The following EYS variants were observed in gnomAD, a reference collection of about 807,000 sequenced individuals.
The protein encoded by EYS is protein eyes shut homolog.
Under a neutral mutation model 282.1 loss-of-function variants are expected in EYS, and 250 were observed. That is an observed-to-expected ratio of 0.89 (90% CI 0.80 to 0.98). The LOEUF is 0.98. EYS is among the 50% of genes least tolerant of loss of function. EYS has a pLI of 0.00. For missense variants in EYS, 4,016 were observed against 3,709.0 expected (o/e 1.08, Z -2.15); for synonymous variants, 1,355 against 1,282.9 (o/e 1.06, Z -1.20).
chr6:63,752,494 C>CTTT lies in EYS; in HGVS notation c.8071+9964_8071+9966dup, dbSNP rs11421916. On this transcript the variant is annotated intron_variant, in intron 41 of 42. Coordinates refer to ENST00000503581, the MANE Select transcript of EYS (RefSeq NM_001142800.2). Reference sequence around the variant, plus strand: ...CCAAGATAACATAATTGTTTAATTTCTTTTTTTTTTTTTTTTGAGAGGGAG... The same window carrying CTTT: ...CCAAGATAACATAATTGTTTAATTTCTTTTTTTTTTTTTTTTTTTGAGAGGGAG... 5.3e-3 allele frequency among the ~76,000 whole-genome samples: 705 copies of CTTT among 132,032 alleles called. 18 individuals carry two copies. The highest frequency in any genetic ancestry group is 0.019 in the African/African-American group (659 of 34,736). 86.6% of individuals were successfully genotyped at this position (132,032 alleles called of 152,430 possible). A position where few individuals can be genotyped will look rare whatever the true frequency, so the allele number is the denominator to read the frequency against.
At chr6:65,182,554 C>T (rs1419344493) in intron 12 of EYS, among the ~76,000 whole-genome samples, 1 of 144,260 alleles carries the variant, frequency 6.9e-6, no homozygotes. Context: ...ATTTCCTTGA[C>T]ATGTTTTGTA....
chr6:64,358,142 A>C (rs1771890057), intron 29 of EYS, among the ~76,000 whole-genome samples: 1 of 151,524 alleles, frequency 6.6e-6, no homozygotes, highest in Non-Finnish European at 1.5e-5. Flanking sequence ...AGAAAAGCTA[A>C]ACTTGTTTCA....
In EYS at chr6:64,358,158, C is replaced by A. The variant is rs114844548; in HGVS notation, c.6078+30532G>T. Among the ~76,000 whole-genome samples, 754 of 151,578 alleles carry A rather than the reference C, an allele frequency of 5.0e-3. 5 individuals carry two copies. Among genetic ancestry groups the A allele is most frequent in the African/African-American group, 0.018 (725 of 41,424 alleles). ...GAAAAGCTAAACTTGTTTCATTTGC[C>A]CAGGTGGTGTCTATTCCTGGTCCCT... On this transcript the variant is annotated intron_variant, in intron 29 of 42. Coordinates refer to ENST00000503581, the MANE Select transcript of EYS (RefSeq NM_001142800.2).
At chr6:64,650,461 C>T (rs1768518671) in intron 22 of EYS, among the ~76,000 whole-genome samples, 1 of 151,874 alleles carries the variant, frequency 6.6e-6, no homozygotes, top group South Asian at 2.1e-4. Flanking sequence ...AAATAAATAA[C>T]ATTAATTACA....
chr6:65,695,332 TTAA>T (rs1479575127), intron 1 of EYS, among the ~76,000 whole-genome samples: 1 of 152,094 alleles, frequency 6.6e-6, no homozygotes, highest in Non-Finnish European at 1.5e-5. Flanking sequence ...TACAGTAGGA[TTAA>T]TAATATTTCC....
chr6:65,248,437 G>T (rs760546528), intron 12 of EYS, among the ~76,000 whole-genome samples: 7 of 152,064 alleles, frequency 4.6e-5, no homozygotes, highest in Admixed American at 2.6e-4. Context: ...GTTCAATGCA[G>T]AAGAAATGAC....
intron 33 of EYS, among the ~76,000 whole-genome samples, chr6:64,025,884 C>T (rs1220231697): frequency 6.6e-6 from 1 of 152,282 alleles, no homozygotes; most frequent in Non-Finnish European, 1.5e-5. Context: ...CCAGTACTAA[C>T]AGGAGAATGC....
At chr6:64,491,513 T>C (rs1297905945) in intron 26 of EYS, among the ~76,000 whole-genome samples, 1 of 151,074 alleles carries the variant, frequency 6.6e-6, no homozygotes, top group African/African-American at 2.4e-5. Context: ...ATTTAAACTT[T>C]ATGCAAATAA....
intron 26 of EYS, among the ~76,000 whole-genome samples, chr6:64,469,283 G>A (rs1014013028): frequency 6.6e-6 from 1 of 152,014 alleles, no homozygotes; most frequent in Non-Finnish European, 1.5e-5. Context: ...GGATGTGGGC[G>A]GCAAGCCACC....
intron 2 of EYS, among the ~76,000 whole-genome samples, chr6:65,539,145 C>T (rs1768069105): frequency 1.3e-5 from 2 of 152,148 alleles, no homozygotes; most frequent in Admixed American, 6.6e-5. Flanking sequence ...TGCATTAATT[C>T]TGCTTCTCCA....
chr6:65,446,597 G>A (rs928611297), intron 5 of EYS, among the ~76,000 whole-genome samples: 4 of 151,786 alleles, frequency 2.6e-5, no homozygotes, highest in Admixed American at 2.0e-4. Flanking sequence ...TAAGAGTTGA[G>A]AAAGTATTAA....
chr6:64,502,440 C>G (rs1038991525), intron 26 of EYS, among the ~76,000 whole-genome samples: 2 of 152,108 alleles, frequency 1.3e-5, no homozygotes, highest in Non-Finnish European at 2.9e-5. Context: ...CCAGGATGGT[C>G]TCGATCTCCT....
At chr6:64,404,110 A>C (rs1773626492) in intron 28 of EYS, among the ~76,000 whole-genome samples, 1 of 152,136 alleles carries the variant, frequency 6.6e-6, no homozygotes, top group Non-Finnish European at 1.5e-5. Flanking sequence ...TAGTCACATA[A>C]TTAAGTTTGA....
chr6:64,401,085 A>G (rs1464313935), intron 28 of EYS, among the ~76,000 whole-genome samples: 5 of 152,116 alleles, frequency 3.3e-5, no homozygotes, highest in African/African-American at 1.2e-4. Flanking sequence ...ATCATTACAC[A>G]GCAAGTTCTA....
Position 65,692,422 on chromosome 6 carries a change from A to AG in EYS, c.-448+14712dup, listed in dbSNP as rs1184688581. Among the ~76,000 whole-genome samples, 6 of 150,260 alleles carry AG rather than the reference A, an allele frequency of 4.0e-5. 1 individual carries two copies. Among genetic ancestry groups the AG allele is most frequent in the Admixed American group, 2.0e-4 (3 of 14,920 alleles). ...AACTATAAAAATAAAATTAAAAAGA[A>AG]GCAGAATATGAAAAAATTGACATAA... On this transcript the variant is annotated intron_variant, in intron 1 of 42. Transcript: ENST00000503581.
At chr6:65,368,230 T>G (rs1278633656) in intron 8 of EYS, among the ~76,000 whole-genome samples, 1 of 151,420 alleles carries the variant, frequency 6.6e-6, no homozygotes, top group Non-Finnish European at 1.5e-5. Flanking sequence ...CCATAACACA[T>G]GGGGATTATG....
intron 29 of EYS, among the ~76,000 whole-genome samples, chr6:64,316,681 T>C (rs960681815): frequency 3.3e-5 from 5 of 152,156 alleles, no homozygotes; most frequent in Admixed American, 1.3e-4. Context: ...CAAGCTACCA[T>C]TGATTTTCTT....
chr6:65,472,913 A>G (rs1424457602), intron 5 of EYS, among the ~76,000 whole-genome samples: 1 of 151,046 alleles, frequency 6.6e-6, no homozygotes, highest in Non-Finnish European at 1.5e-5. Context: ...GTGGGTCCAA[A>G]CTCCTAAGGT....
chr6:64,590,769 T>A lies in EYS; in HGVS notation c.5098A>T (p.Lys1700Ter). The A allele has an allele frequency of 1.3e-6, 2 of 1,550,902 alleles. No homozygotes were observed. Among genetic ancestry groups the A allele is most frequent in the Non-Finnish European group, 8.7e-7 (1 of 1,146,434 alleles). ...CCATATTGTCTTATTTTCAATAGTT[T>A]TAAAATGTTTTCTGATACTGACAGT... ...DELSVSENIL[K>*]LLKIRQYGIT... Residue 1700 changes from lysine to a stop codon, truncating the protein, a stop_gained, in exon 26 of 43, where the codon AAA becomes TAA. Transcript: ENST00000503581. LOFTEE classifies it high-confidence loss of function.
Sources: gnomAD v4.1 joint callset for allele counts (sites outside exome capture counted in the v4.1 genomes callset) on GRCh38, gnomAD v4.1.1 for gene constraint, MANE v1.5 for transcripts, NCBI Gene and HGNC (gene_info 2026-07-23, HGNC 2026-07-21) for gene names.